The following PCNX2 variants were observed in gnomAD, a reference collection of about 807,000 sequenced individuals.
PCNX2 encodes the protein pecanex 2.
PCNX2 carries 168 observed loss-of-function variants against 223.8 expected under a neutral mutation model. That is an observed-to-expected ratio of 0.75 (90% CI 0.66 to 0.85). The LOEUF is 0.85. Among genes scored for constraint, PCNX2 ranks in the 40% least tolerant of loss-of-function variants. The pLI, the probability that PCNX2 is intolerant of heterozygous loss-of-function variation, is 0.00. For synonymous variants in PCNX2, 1,006 were observed against 1,052.6 expected, an observed-to-expected ratio of 0.96 and a Z score of 0.86; for missense variants, 2,507 against 2,675.5, an observed-to-expected ratio of 0.94 and a Z score of 1.39.
chr1:233,207,446 G>T (rs1681544188), intron 13 of PCNX2, among the ~76,000 whole-genome samples: 2 of 152,156 alleles, frequency 1.3e-5, no homozygotes, highest in Non-Finnish European at 2.9e-5. Context: ...ACAATAACAA[G>T]TTGGCAGGTG....
intron 12 of PCNX2, chr1:233,210,539 A>G (rs1048206955): frequency 1.0e-6 from 1 of 975,758 alleles, no homozygotes; most frequent in Non-Finnish European, 1.2e-6. Context: ...TTGGCCTCCC[A>G]AAGTGCTGGG....
chr1:233,006,063 G>A (rs1670273760), intron 28 of PCNX2, among the ~76,000 whole-genome samples: 1 of 152,158 alleles, frequency 6.6e-6, no homozygotes, highest in Non-Finnish European at 1.5e-5. Flanking sequence ...GTGTAATCAT[G>A]TGTTAGGGGA....
In PCNX2 at chr1:233,237,047, C is replaced by T. The variant is rs1406015408; in HGVS notation, c.2223-67G>A. On this transcript the variant is annotated intron_variant, in intron 8 of 33. Transcript: ENST00000258229. ...CCAGAAGTCATCTATTTATTATACA[C>T]AAACACAAGGACAATAGGAATGCCC... The T allele has an allele frequency of 5.7e-6, 9 of 1,592,290 alleles. No individual in the cohort carries two copies. The Admixed American group carries it at 1.5e-4, about 27-fold the overall frequency.
At chr1:233,174,334 A>G (rs1047279683) in intron 17 of PCNX2, among the ~76,000 whole-genome samples, 8 of 147,168 alleles carry the variant, frequency 5.4e-5, no homozygotes, top group African/African-American at 2.0e-4. Context: ...ATTGTTTTAG[A>G]AGTTCTGGCC....
chr1:233,014,261 G>C (rs1419233202), intron 28 of PCNX2, among the ~76,000 whole-genome samples: 4 of 152,174 alleles, frequency 2.6e-5, no homozygotes, highest in Non-Finnish European at 5.9e-5. Flanking sequence ...GTCTGGACTA[G>C]AGCTCAGATG....
intron 9 of PCNX2, among the ~76,000 whole-genome samples, chr1:233,231,378 TA>T (rs1276761212): frequency 1.3e-5 from 2 of 151,846 alleles, no homozygotes; most frequent in African/African-American, 4.8e-5. Context: ...GAGTTACAAA[TA>T]AAAAGTTATT....
At position 233,235,393 on chromosome 1, in the gene PCNX2, T is replaced by C. The variant is rs1465251558; in HGVS notation, c.2358+1452A>G. The stretch of plus-strand genomic sequence containing the variant: ...CTTGAACTCCTGGGCTCAAACCGTC[T>C]CCCCACTTCAGCTTCCCAAAGTGTT... On this transcript the variant is annotated intron_variant, in intron 9 of 33. Transcript: ENST00000258229. Among the ~76,000 whole-genome samples, 3 of 152,064 alleles carry C rather than the reference T, an allele frequency of 2.0e-5. No individual in the cohort carries two copies. In the East Asian group the frequency reaches 5.8e-4, roughly 30 times the overall value.
At chr1:233,083,347 A>G (rs924616643) in intron 23 of PCNX2, among the ~76,000 whole-genome samples, 1 of 152,240 alleles carries the variant, frequency 6.6e-6, no homozygotes, top group Non-Finnish European at 1.5e-5. Flanking sequence ...CAGCAGGTGT[A>G]GGACTCAGCG....
chr1:233,086,955 G>C lies in PCNX2; in HGVS notation c.4076+3106C>G, dbSNP rs186771772. 50 of 888,188 alleles carry C rather than the reference G, an allele frequency of 5.6e-5. 1 individual carries two copies. The highest frequency in any genetic ancestry group is 2.7e-6 in the Non-Finnish European group (2 of 741,392). 55.0% of individuals were successfully genotyped at this position (888,188 alleles called of 1,614,324 possible). A position where few individuals can be genotyped will look rare whatever the true frequency, so the allele number is the denominator to read the frequency against. ...GACAGCTATCCTAGAGCTATGTGTG[G>C]GCAGAGAGTAGCAAGCAGGTTAGTT... On this transcript the variant is annotated intron_variant, in intron 23 of 33. Transcript: ENST00000258229.
chr1:233,292,220 T>C (rs1572215577), intron 1 of PCNX2, among the ~76,000 whole-genome samples: 1 of 146,076 alleles, frequency 6.8e-6, no homozygotes, highest in East Asian at 2.0e-4. Flanking sequence ...TTTTTTTTTT[T>C]TTTTGAGATG....
rs147188018 is a variant in PCNX2, at chr1:233,168,238, TAGAGA to T, written c.3274-6880_3274-6876del. Among the ~76,000 whole-genome samples the T allele has an allele frequency of 7.9e-3, 1,206 of 152,166 alleles. 16 individuals are homozygous for T. Among genetic ancestry groups the T allele is most frequent in the African/African-American group, 0.028 (1,147 of 41,542 alleles). On this transcript the variant is annotated intron_variant, in intron 17 of 33. Coordinates refer to ENST00000258229, the MANE Select transcript of PCNX2 (RefSeq NM_014801.4). ...AATAATATTGCAGCACCCTAGAACATAGAGAAGAGAGGGGAAAATCATTCACAATC... is the reference window on the plus strand; with the variant it reads ...AATAATATTGCAGCACCCTAGAACATAGAGAGGGGAAAATCATTCACAATC...
chr1:233,281,040 TAAG>T (rs1318075584), intron 1 of PCNX2, among the ~76,000 whole-genome samples: 2 of 152,222 alleles, frequency 1.3e-5, no homozygotes, highest in Non-Finnish European at 2.9e-5. Context: ...TATGCTGTTG[TAAG>T]AAGAAGCCAA....
chr1:232,984,517 A>G (rs1411877574), intron 33 of PCNX2, 40 bp from the exon 34 acceptor site: 1 of 1,587,432 alleles, frequency 6.3e-7, no homozygotes. Context: ...AGCTCAGCAA[A>G]CGTTCACTAC....
In PCNX2 at chr1:233,017,127, G is replaced by A. The variant is rs1177228969; in HGVS notation, c.4633C>T (p.Pro1545Ser). The change falls in exon 27 of 34, where the codon CCC becomes TCC. Residue 1545 changes from proline to serine, a missense_variant. Pro to Ser is a moderately conservative substitution (Grantham distance 74). Coordinates refer to ENST00000258229, the MANE Select transcript of PCNX2 (RefSeq NM_014801.4). The part of the protein sequence containing the change: ...KSIIYYMVTS[P>S]KLLSWIKNES... ...TTTTTGATCCAGGAGAGGAGTTTGG[G>A]AGACGTTACCATATAGTATATTATA... 7.1e-7 allele frequency: 1 copy of A among 1,410,800 alleles called. No homozygotes were observed. The allele number at this position is 1,410,800 out of a possible 1,614,324, so 87.4% of individuals were successfully genotyped here.
In PCNX2 at chr1:233,177,788, C is replaced by G. The variant is rs369143387; in HGVS notation, c.3273+14G>C. 6.7e-5 allele frequency: 108 copies of G among 1,601,958 alleles called. No homozygotes were observed. Among genetic ancestry groups the G allele is most frequent in the Non-Finnish European group, 9.1e-5 (106 of 1,169,248 alleles). On this transcript the variant is annotated intron_variant, in intron 17 of 33. Transcript: ENST00000258229. ...GGCCCTCCTATGCTACATTACACAA[C>G]GCAAATGTCTCACCACTGAATCTTT...
At chr1:233,133,119 G>A (rs1341083631) in intron 21 of PCNX2, among the ~76,000 whole-genome samples, 3 of 151,798 alleles carry the variant, frequency 2.0e-5, no homozygotes, top group East Asian at 1.9e-4. Flanking sequence ...TCCTGCTCTC[G>A]AAATCCTGAT....
At chr1:233,265,236 A>C in intron 1 of PCNX2, among the ~76,000 whole-genome samples, 1 of 92,418 alleles carries the variant, frequency 1.1e-5, no homozygotes, top group African/African-American at 6.1e-5. Flanking sequence ...ACCAAGTGAG[A>C]CCCTCTCTAA....
chr1:233,199,099 G>A lies in PCNX2; in HGVS notation c.2975-69C>T. ...TTAAAATCAACAAATGTAAAACAGT[G>A]AAGAGATGGTTGCACATTCGCATAC... On this transcript the variant is annotated intron_variant, in intron 14 of 33. Transcript: ENST00000258229. 3 of 1,398,754 alleles carry A rather than the reference G, an allele frequency of 2.1e-6. No homozygotes were observed. The South Asian group carries it at 4.0e-5, about 18-fold the overall frequency. 86.6% of individuals were successfully genotyped at this position (1,398,754 alleles called of 1,614,324 possible).
chr1:233,130,585 C>T (rs1012823087), intron 21 of PCNX2, among the ~76,000 whole-genome samples: 7 of 151,666 alleles, frequency 4.6e-5, no homozygotes, highest in African/African-American at 7.3e-5. Flanking sequence ...CCTGGGTTCC[C>T]GCCATTCTCC....
Sources: gnomAD v4.1 joint callset for allele counts (sites outside exome capture counted in the v4.1 genomes callset) on GRCh38, gnomAD v4.1.1 for gene constraint, MANE v1.5 for transcripts, NCBI Gene and HGNC (gene_info 2026-07-23, HGNC 2026-07-21) for gene names.